The following BMPR1A variants were observed in gnomAD, a reference collection of about 807,000 sequenced individuals.
BMPR1A encodes the protein bone morphogenetic protein receptor type 1A, also known as bone morphogenetic protein receptor type-1A.
In BMPR1A, 7 loss-of-function variants were observed where a neutral mutation model predicts 66.0. That is an observed-to-expected ratio of 0.11 (90% CI 0.06 to 0.20). The LOEUF is 0.20. Ranked by LOEUF, BMPR1A falls within the 10% of genes least tolerant of loss-of-function variation. The probability of loss-of-function intolerance (pLI) is 1.00; values close to 1 mark genes in which losing one functional copy is unlikely to be tolerated. For missense variants in BMPR1A, 408 were observed against 669.1 expected, an observed-to-expected ratio of 0.61 and a Z score of 4.31; for synonymous variants, 200 against 229.7, an observed-to-expected ratio of 0.87 and a Z score of 1.17.
intron 2 of BMPR1A, among the ~76,000 whole-genome samples, chr10:86,840,815 G>A (rs1842416411): frequency 6.6e-6 from 1 of 152,078 alleles, no homozygotes; most frequent in African/African-American, 2.4e-5. Context: ...CTACCCTTAG[G>A]CACAAGTGAA....
intron 1 of BMPR1A, among the ~76,000 whole-genome samples, chr10:86,791,683 T>TCCTTCCTTCCTCCCTCCCTCCCTCCCTC (rs1283624885): frequency 4.5e-5 from 4 of 89,762 alleles, no homozygotes; most frequent in Non-Finnish European, 8.6e-5. Flanking sequence ...CTTCTTTACT[T>TCCTTCCTTCCTCCCTCCCTCCCTCCCTC]CCTTCCTCCC....
chr10:86,770,057 C>T (rs1453284171), intron 1 of BMPR1A, among the ~76,000 whole-genome samples: 1 of 151,796 alleles, frequency 6.6e-6, no homozygotes, highest in African/African-American at 2.4e-5. Flanking sequence ...TTTGGGAGGC[C>T]GAGGTGGGAG....
chr10:86,886,243 C>T (rs1406036946), intron 3 of BMPR1A, among the ~76,000 whole-genome samples: 1 of 151,930 alleles, frequency 6.6e-6, no homozygotes, highest in Admixed American at 6.6e-5. Flanking sequence ...CCTGTTGGGC[C>T]CTGGGAGCAC....
At chr10:86,788,239 T>C (rs1564684583) in intron 1 of BMPR1A, among the ~76,000 whole-genome samples, 1 of 152,242 alleles carries the variant, frequency 6.6e-6, no homozygotes, top group Non-Finnish European at 1.5e-5. Context: ...CGTTAGAGCA[T>C]ACATTGAATC....
At chr10:86,897,504 T>A (rs1337371254) in intron 5 of BMPR1A, among the ~76,000 whole-genome samples, 2 of 152,220 alleles carry the variant, frequency 1.3e-5, no homozygotes, top group East Asian at 1.9e-4. Flanking sequence ...CTGGGATTCA[T>A]GTCAAGCAAG....
chr10:86,790,915 A>G (rs1841607151), intron 1 of BMPR1A, among the ~76,000 whole-genome samples: 1 of 152,206 alleles, frequency 6.6e-6, no homozygotes, highest in Non-Finnish European at 1.5e-5. Flanking sequence ...GGGGCCCCCA[A>G]AGTGGTGATT....
In BMPR1A at chr10:86,862,867, G is replaced by A. The variant is rs567334051; in HGVS notation, c.-152-13000G>A. Reference sequence around the variant, plus strand: ...AGAGGCTGTCAACGGAGGTGGGAAAGACTTAGGATCTAGCAAATTTGGGAG... The same window carrying A: ...AGAGGCTGTCAACGGAGGTGGGAAAAACTTAGGATCTAGCAAATTTGGGAG... On this transcript the variant is annotated intron_variant, in intron 2 of 12. Coordinates refer to ENST00000372037, the MANE Select transcript of BMPR1A (RefSeq NM_004329.3). Among the ~76,000 whole-genome samples the A allele has an allele frequency of 2.6e-4, 39 of 152,162 alleles. No homozygotes were observed. The East Asian group carries it at 4.6e-3, about 18-fold the overall frequency.
intron 1 of BMPR1A, among the ~76,000 whole-genome samples, chr10:86,759,279 C>G (rs980750034): frequency 6.6e-6 from 1 of 152,150 alleles, no homozygotes; most frequent in South Asian, 2.1e-4. Context: ...CTTTAATATG[C>G]GTTCTCCAAG....
intron 1 of BMPR1A, among the ~76,000 whole-genome samples, chr10:86,757,248 G>T (rs954162805): frequency 3.3e-5 from 5 of 152,140 alleles, no homozygotes; most frequent in African/African-American, 1.2e-4. Flanking sequence ...TCACCTCCCC[G>T]CCCCGGAGCG....
intron 2 of BMPR1A, among the ~76,000 whole-genome samples, chr10:86,849,128 A>G (rs1255923812): frequency 1.3e-5 from 2 of 152,238 alleles, no homozygotes; most frequent in African/African-American, 4.8e-5. Context: ...GCTACTTTAC[A>G]CTAGCATTTG....
intron 1 of BMPR1A, among the ~76,000 whole-genome samples, chr10:86,793,104 AC>A (rs1178182645): frequency 6.8e-5 from 4 of 58,418 alleles, no homozygotes; most frequent in African/African-American, 2.7e-4. Flanking sequence ...ACCCCCCCCC[AC>A]CCCCCGCCAC....
chr10:86,795,995 AGGTAGT>A, intron 1 of BMPR1A, among the ~76,000 whole-genome samples: 1 of 152,280 alleles, frequency 6.6e-6, no homozygotes, highest in Middle Eastern at 3.4e-3. Context: ...TGTTTCAGAA[AGGTAGT>A]GGTAAAAAGT....
chr10:86,785,216 T>TC, intron 1 of BMPR1A, among the ~76,000 whole-genome samples: 1 of 152,372 alleles, frequency 6.6e-6, no homozygotes, highest in South Asian at 2.1e-4. Flanking sequence ...TAAGACTTGT[T>TC]CTGTGGCCTA....
chr10:86,842,350 C>T (rs1039688680), intron 2 of BMPR1A, among the ~76,000 whole-genome samples: 1 of 152,114 alleles, frequency 6.6e-6, no homozygotes, highest in Non-Finnish European at 1.5e-5. Context: ...TGAGTGTTTT[C>T]CATACTCACA....
At chr10:86,837,682 A>G (rs1205115425) in intron 1 of BMPR1A, among the ~76,000 whole-genome samples, 1 of 152,214 alleles carries the variant, frequency 6.6e-6, no homozygotes, top group Non-Finnish European at 1.5e-5. Context: ...TGAGAGTTTT[A>G]TAGTCATATG....
At chr10:86,875,397 A>G (rs1350497871) in intron 2 of BMPR1A, among the ~76,000 whole-genome samples, 2 of 149,420 alleles carry the variant, frequency 1.3e-5, no homozygotes, top group Non-Finnish European at 3.0e-5. Context: ...AAAATGAATT[A>G]ATATGTGTAA....
chr10:86,864,322 C>T (rs1006514984), intron 2 of BMPR1A, among the ~76,000 whole-genome samples: 18 of 152,300 alleles, frequency 1.2e-4, no homozygotes, highest in Admixed American at 1.2e-3. Flanking sequence ...CCACTAATTC[C>T]CTTGATGGTC....
At chr10:86,895,697 G>A (rs377622743) in intron 5 of BMPR1A, among the ~76,000 whole-genome samples, 3 of 152,194 alleles carry the variant, frequency 2.0e-5, no homozygotes, top group East Asian at 3.9e-4. Context: ...TCATGAATTC[G>A]TGAACTGATT....
At chr10:86,911,495 C>A (rs1792156192) in intron 7 of BMPR1A, among the ~76,000 whole-genome samples, 1 of 152,076 alleles carries the variant, frequency 6.6e-6, no homozygotes, top group South Asian at 2.1e-4. Context: ...GCCTGTAATC[C>A]CAGCACTTTG....
Sources: allele counts gnomAD v4.1 joint callset (sites outside exome capture counted in the v4.1 genomes callset), GRCh38; gene constraint gnomAD v4.1.1; transcripts MANE v1.5; gene names NCBI Gene and HGNC (gene_info 2026-07-23, HGNC 2026-07-21).